Variants in LMCD1 observed in about 807,000 individuals in gnomAD.
LMCD1 encodes the protein LIM and cysteine rich domains 1, also known as LIM and cysteine-rich domains protein 1.
In LMCD1, 32 loss-of-function variants were observed where a neutral mutation model predicts 42.7. That is an observed-to-expected ratio of 0.75 (90% CI 0.57 to 1.01). The LOEUF (loss-of-function observed/expected upper bound fraction) is 1.01, where lower values mean the gene tolerates loss of function less well. Ranked by LOEUF, LMCD1 falls within the 50% of genes least tolerant of loss-of-function variation. LMCD1 has a pLI of 0.00. For synonymous variants in LMCD1, 178 were observed against 184.9 expected (o/e 0.96, Z 0.30); for missense variants, 458 against 483.1 (o/e 0.95, Z 0.49).
rs548242699 is a variant in LMCD1 at position 8,573,705 on chromosome 3, G to T, written c.*6107G>T. The T allele has an allele frequency of 2.0e-5, 3 of 152,254 alleles. No homozygotes were observed. Among genetic ancestry groups the T allele is most frequent in the African/African-American group, 7.2e-5 (3 of 41,542 alleles). The allele number at this position is 152,254 out of a possible 1,614,324, so 9.4% of individuals were successfully genotyped here. On this transcript the variant is annotated 3_prime_UTR_variant, in exon 6 of 6. Transcript: ENST00000157600. Reference sequence around the variant, plus strand: ...CGATCTCCTGGTCTGATTCCTTTGGGTCTCTAATAATGGAAACTGCAAGGA... The same window carrying T: ...CGATCTCCTGGTCTGATTCCTTTGGTTCTCTAATAATGGAAACTGCAAGGA...
chr3:8,542,435 G>C (rs1694644723), intron 3 of LMCD1, among the ~76,000 whole-genome samples: 1 of 152,100 alleles, frequency 6.6e-6, no homozygotes, highest in Non-Finnish European at 1.5e-5. Context: ...AGCCGTGAAA[G>C]GACACCGTGA....
chr3:8,557,761 C>T (rs1694950833), intron 4 of LMCD1, among the ~76,000 whole-genome samples: 1 of 152,216 alleles, frequency 6.6e-6, no homozygotes, highest in South Asian at 2.1e-4. Context: ...CATCCCAAGG[C>T]ATATGGCTGA....
In LMCD1 at chr3:8,549,819, A is replaced by G. The variant is rs1176602516; in HGVS notation, c.723+916A>G. The G allele has an allele frequency of 4.3e-6, 3 of 703,768 alleles. No individual in the cohort carries two copies. The East Asian group carries it at 8.0e-5, about 19-fold the overall frequency. The allele number at this position is 703,768 out of a possible 1,614,324, so 43.6% of individuals were successfully genotyped here. On this transcript the variant is annotated intron_variant, in intron 4 of 5. Transcript: ENST00000157600. ...GCAGAGTCCTGAGGTGGCTCAGGGC[A>G]TCATGTGGCAAGGGGGCTGGGTGTG...
At chr3:8,555,293 A>G (rs1694914789) in intron 4 of LMCD1, among the ~76,000 whole-genome samples, 1 of 152,142 alleles carries the variant, frequency 6.6e-6, no homozygotes, top group Non-Finnish European at 1.5e-5. Context: ...GGGACTTCCA[A>G]GTCTTTGTCT....
intron 5 of LMCD1, 62 bp from the exon 6 acceptor site, chr3:8,567,378 A>G: frequency 6.5e-7 from 1 of 1,540,080 alleles, no homozygotes; most frequent in Admixed American, 1.7e-5. Flanking sequence ...CTTGTCCTAG[A>G]TATACCGTCT....
chr3:8,568,128 C>T lies in LMCD1; in HGVS notation c.*530C>T, dbSNP rs1695159600. 6.6e-6 allele frequency: 1 copy of T among 152,152 alleles called. No individual in the cohort carries two copies. The highest frequency in any genetic ancestry group is 1.5e-5 in the Non-Finnish European group (1 of 68,058). The allele number at this position is 152,152 out of a possible 1,614,324, so 9.4% of individuals were successfully genotyped here. On this transcript the variant is annotated 3_prime_UTR_variant, in exon 6 of 6. Coordinates refer to ENST00000157600, the MANE Select transcript of LMCD1 (RefSeq NM_014583.4). Reference sequence around the variant, plus strand: ...AAAGTTTTGTGAATTCCACATACACCCTTATCTAATTATTTACACCATGGC... The same window carrying T: ...AAAGTTTTGTGAATTCCACATACACTCTTATCTAATTATTTACACCATGGC...
Position 8,509,648 on chromosome 3 carries a change from G to A in LMCD1, c.42+7668G>A, listed in dbSNP as rs56288384. 5.4e-3 allele frequency among the ~76,000 whole-genome samples: 827 copies of A among 152,254 alleles called. 8 individuals are homozygous for A. Among genetic ancestry groups the A allele is most frequent in the African/African-American group, 0.018 (742 of 41,532 alleles). Reference sequence around the variant, plus strand: ...AGGCCAAATAATGTCAGTGTTCTGTGAGTCTTTGTGTTCCTTGACCTCTCC... The same window carrying A: ...AGGCCAAATAATGTCAGTGTTCTGTAAGTCTTTGTGTTCCTTGACCTCTCC... On this transcript the variant is annotated intron_variant, in intron 1 of 5. Coordinates refer to ENST00000157600, the MANE Select transcript of LMCD1 (RefSeq NM_014583.4).
intron 1 of LMCD1, among the ~76,000 whole-genome samples, chr3:8,510,564 A>G (rs2125011010): frequency 6.6e-6 from 1 of 152,334 alleles, no homozygotes; most frequent in Admixed American, 6.5e-5. Context: ...CTGTGAATAA[A>G]GACAAACGCC....
rs778048696 is a variant in LMCD1, at chr3:8,567,490, A to G, written c.990A>G (p.Arg330=). ...YQRVEDLAWH[R]KHFVCEGCEQ... ...GTGTGGAAGATCTGGCCTGGCACCGAAAGCACTTTGTCTGTGAGGGTTGTG... is the reference window on the plus strand; with the variant it reads ...GTGTGGAAGATCTGGCCTGGCACCGGAAGCACTTTGTCTGTGAGGGTTGTG... The change falls in exon 6 of 6, where the codon CGA becomes CGG. Residue 330 remains arginine (R), a synonymous_variant. Coordinates refer to ENST00000157600, the MANE Select transcript of LMCD1 (RefSeq NM_014583.4). 3.0e-5 allele frequency: 48 copies of G among 1,613,890 alleles called. No homozygotes were observed. Among genetic ancestry groups the G allele is most frequent in the Non-Finnish European group, 4.0e-5 (47 of 1,180,012 alleles).
intron 5 of LMCD1, among the ~76,000 whole-genome samples, chr3:8,565,999 G>C (rs553426262): frequency 6.6e-6 from 1 of 152,100 alleles, no homozygotes; most frequent in South Asian, 2.1e-4. Context: ...ACCTAACTCC[G>C]GAGCCTCAGC....
intron 1 of LMCD1, among the ~76,000 whole-genome samples, chr3:8,510,157 A>G (rs1693967966): frequency 6.6e-6 from 1 of 152,180 alleles, no homozygotes; most frequent in Non-Finnish European, 1.5e-5. Context: ...GTTTCTAGGT[A>G]CTGATTCATG....
chr3:8,502,339 ATATATAAAATATATAATATATAT>A (rs1693760453), intron 1 of LMCD1, among the ~76,000 whole-genome samples: 11 of 78,794 alleles, frequency 1.4e-4, no homozygotes, highest in South Asian at 5.9e-4. Context: ...AATATATATT[ATATATAAAATATATAATATATAT>A]TATATAAAAT....
rs73135678 is a variant in LMCD1, at chr3:8,549,889, G to A, written c.723+986G>A. The A allele has an allele frequency of 0.02, 15,343 of 753,780 alleles. 298 individuals are homozygous for A. The highest frequency in any genetic ancestry group is 0.074 in the African/African-American group (4,329 of 58,184). 46.7% of individuals were successfully genotyped at this position (753,780 alleles called of 1,614,324 possible). On this transcript the variant is annotated intron_variant, in intron 4 of 5. Coordinates refer to ENST00000157600, the MANE Select transcript of LMCD1 (RefSeq NM_014583.4). ...CTCTTCTTAGAAGCCAGTCCCACTC[G>A]TGTGATAACCCATTAATCTATTAAG...
In LMCD1 at chr3:8,501,974, T is replaced by G. The variant is rs1693733044; in HGVS notation, c.36T>G (p.Val12=). ...TGGCTAAGGACCTCAACCCAGGAGTTAAAAAGGTGAGTGGAAAGCTGTTTG... is the reference window on the plus strand; with the variant it reads ...TGGCTAAGGACCTCAACCCAGGAGTGAAAAAGGTGAGTGGAAAGCTGTTTG... ...AKVAKDLNPG[V]KKMSLGQLQS... The change falls in exon 1 of 6, where the codon GTT becomes GTG. Residue 12 remains valine (V), a synonymous_variant. Transcript: ENST00000157600. 9 of 1,591,786 alleles carry G rather than the reference T, an allele frequency of 5.7e-6. No individual in the cohort carries two copies. In the East Asian group the frequency reaches 2.1e-4, roughly 38 times the overall value.
intron 4 of LMCD1, among the ~76,000 whole-genome samples, chr3:8,558,480 C>A (rs968580992): frequency 1.3e-5 from 2 of 152,240 alleles, no homozygotes; most frequent in Non-Finnish European, 2.9e-5. Context: ...TTGTTTCACA[C>A]ATCCTCTACC....
chr3:8,565,613 A>C lies in LMCD1; in HGVS notation c.905A>C (p.Glu302Ala). The change falls in exon 5 of 6, where the codon GAG becomes GCG. Residue 302 changes from glutamate (E) to alanine (A), a missense_variant. By Grantham distance (107) the Glu-to-Ala change is moderately radical. Transcript: ENST00000157600. ...CCCTGGTGCGGCCGCCATTACTGCG[A>C]GAGTCTGCGGCCCCGGTGCTCCGGC... ...GAPWCGRHYCESLRPRCSGCD... is the reference protein window; with the variant it reads ...GAPWCGRHYCASLRPRCSGCD... The C allele has an allele frequency of 6.2e-7, 1 of 1,611,418 alleles. No individual in the cohort carries two copies. The highest frequency in any genetic ancestry group is 8.5e-7 in the Non-Finnish European group (1 of 1,179,024).
chr3:8,522,658 C>T (rs1185601184), intron 1 of LMCD1, among the ~76,000 whole-genome samples: 3 of 152,102 alleles, frequency 2.0e-5, no homozygotes, highest in Non-Finnish European at 4.4e-5. Flanking sequence ...CTTAATCTCA[C>T]CCATTAGACA....
In LMCD1 at chr3:8,572,288, A is replaced by G. The variant is rs1205393956; in HGVS notation, c.*4690A>G. On this transcript the variant is annotated 3_prime_UTR_variant, in exon 6 of 6. Transcript: ENST00000157600. The stretch of plus-strand genomic sequence containing the variant: ...TGTTGTTTTCTTTCTGTTGCATCCA[A>G]TCAGATGATACAGGATTTTGATTTG... 1.3e-5 allele frequency: 2 copies of G among 152,212 alleles called. No individual in the cohort carries two copies. Among genetic ancestry groups the G allele is most frequent in the African/African-American group, 4.8e-5 (2 of 41,454 alleles). 9.4% of individuals were successfully genotyped at this position (152,212 alleles called of 1,614,324 possible). A position where few individuals can be genotyped will look rare whatever the true frequency, so the allele number is the denominator to read the frequency against.
chr3:8,560,051 G>A lies in LMCD1; in HGVS notation c.724-5381G>A, dbSNP rs535825136. Among the ~76,000 whole-genome samples the A allele has an allele frequency of 1.3e-4, 20 of 152,288 alleles. No homozygotes were observed. In the South Asian group the frequency reaches 1.9e-3, roughly 14 times the overall value. ...GAATTTTCCTTCCTTCCTTCATACTGCTGCGAGAATATCTCCCTACAGTGC... is the reference window on the plus strand; with the variant it reads ...GAATTTTCCTTCCTTCCTTCATACTACTGCGAGAATATCTCCCTACAGTGC... On this transcript the variant is annotated intron_variant, in intron 4 of 5. Transcript: ENST00000157600.
Sources: gnomAD v4.1 joint callset for allele counts (sites outside exome capture counted in the v4.1 genomes callset) on GRCh38, gnomAD v4.1.1 for gene constraint, MANE v1.5 for transcripts, NCBI Gene and HGNC (gene_info 2026-07-23, HGNC 2026-07-21) for gene names.